DAZL: variants seen among roughly 807,000 people sequenced by gnomAD.
The protein encoded by DAZL is deleted in azoospermia-like.
Under a neutral mutation model 45.0 loss-of-function variants are expected in DAZL, and 4 were observed. The ratio of observed to expected loss-of-function variants is 0.09; its 90% CI spans 0.04 to 0.20. DAZL has a LOEUF of 0.20. Ranked by LOEUF, DAZL falls within the 10% of genes least tolerant of loss-of-function variation. DAZL has a pLI of 1.00. For synonymous variants in DAZL, 122 were observed against 112.4 expected (o/e 1.09, Z -0.54); for missense variants, 326 against 351.3 (o/e 0.93, Z 0.58).
rs1694762486 is a variant in DAZL at position 16,605,307 on chromosome 3, C to T, written c.-102G>A. The stretch of plus-strand genomic sequence containing the variant: ...CTGTGAGGTCCGCTGGAACCCGCTG[C>T]GCGGCTTCGAGTGGTCAAAGGAGCC... On this transcript the variant is annotated 5_prime_UTR_variant, in exon 1 of 11. Transcript: ENST00000399444. The T allele has an allele frequency of 2.8e-6, 4 of 1,442,028 alleles. No individual in the cohort carries two copies. Among genetic ancestry groups the T allele is most frequent in the African/African-American group, 2.8e-5 (2 of 71,512 alleles). 89.3% of individuals were successfully genotyped at this position (1,442,028 alleles called of 1,614,324 possible). A position where few individuals can be genotyped will look rare whatever the true frequency, so the allele number is the denominator to read the frequency against.
Position 16,605,309 on chromosome 3 carries a change from C to A in DAZL, c.-104G>T. 7.0e-7 allele frequency: 1 copy of A among 1,426,196 alleles called. No individual in the cohort carries two copies. Among genetic ancestry groups the A allele is most frequent in the Non-Finnish European group, 9.9e-7 (1 of 1,008,938 alleles). The allele number at this position is 1,426,196 out of a possible 1,614,324, so 88.3% of individuals were successfully genotyped here. A position where few individuals can be genotyped will look rare whatever the true frequency, so the allele number is the denominator to read the frequency against. ...GTGAGGTCCGCTGGAACCCGCTGCGCGGCTTCGAGTGGTCAAAGGAGCCAA... is the reference window on the plus strand; with the variant it reads ...GTGAGGTCCGCTGGAACCCGCTGCGAGGCTTCGAGTGGTCAAAGGAGCCAA... On this transcript the variant is annotated 5_prime_UTR_variant, in exon 1 of 11. Coordinates refer to ENST00000399444, the MANE Select transcript of DAZL (RefSeq NM_001351.4).
chr3:16,604,278 G>A (rs554239887), intron 1 of DAZL, among the ~76,000 whole-genome samples: 10 of 152,106 alleles, frequency 6.6e-5, no homozygotes. Flanking sequence ...TTGTGGTGGC[G>A]CTGAAGCAAC....
intron 10 of DAZL, among the ~76,000 whole-genome samples, chr3:16,589,854 G>T (rs1022397772): frequency 6.6e-6 from 1 of 151,510 alleles, no homozygotes; most frequent in African/African-American, 2.4e-5. Flanking sequence ...CTTGAGCCCA[G>T]GAGTTCAAGA....
At chr3:16,593,459 C>A (rs2125044657) in intron 9 of DAZL, among the ~76,000 whole-genome samples, 196 bp downstream of exon 9, 1 of 152,282 alleles carries the variant, frequency 6.6e-6, no homozygotes, top group African/African-American at 2.4e-5. Flanking sequence ...AGGCGTGAGC[C>A]ACTGCACCCA....
At position 16,604,580 on chromosome 3, in the gene DAZL, G is replaced by A; in HGVS notation, c.3+623C>T. 4 of 1,418,948 alleles carry A rather than the reference G, an allele frequency of 2.8e-6. 1 individual carries two copies. The highest frequency in any genetic ancestry group is 1.6e-5 in the South Asian group (1 of 63,276). 87.9% of individuals were successfully genotyped at this position (1,418,948 alleles called of 1,614,324 possible). A position where few individuals can be genotyped will look rare whatever the true frequency, so the allele number is the denominator to read the frequency against. ...CCAGCCCCCTCAGCTACAGGGCCAT[G>A]CCTTCAGGACGCCCCACACCCCACG... On this transcript the variant is annotated intron_variant, in intron 1 of 10. Coordinates refer to ENST00000399444, the MANE Select transcript of DAZL (RefSeq NM_001351.4).
At position 16,604,660 on chromosome 3, in the gene DAZL, C is replaced by T. The variant is rs897594374; in HGVS notation, c.3+543G>A. 9.3e-5 allele frequency: 127 copies of T among 1,361,068 alleles called. No homozygotes were observed. In the African/African-American group the frequency reaches 1.8e-3, roughly 19 times the overall value. 84.3% of individuals were successfully genotyped at this position (1,361,068 alleles called of 1,614,324 possible). A position where few individuals can be genotyped will look rare whatever the true frequency, so the allele number is the denominator to read the frequency against. ...ACCAAGTACAGGGACCAGGAGGGAA[C>T]CACTTCCTAAGGAAGCTCCGGCCCT... On this transcript the variant is annotated intron_variant, in intron 1 of 10. Coordinates refer to ENST00000399444, the MANE Select transcript of DAZL (RefSeq NM_001351.4).
At chr3:16,594,505 A>G in intron 8 of DAZL, 28 bp downstream of exon 8, 1 of 1,540,990 alleles carries the variant, frequency 6.5e-7, no homozygotes, top group Non-Finnish European at 8.9e-7. Context: ...AAATAACAGG[A>G]ATTATATGTT....
intron 1 of DAZL, chr3:16,604,621 A>ACCC: frequency 7.3e-7 from 1 of 1,361,974 alleles, no homozygotes; most frequent in Non-Finnish European, 9.4e-7. Context: ...GCCCCCACGA[A>ACCC]CCCCGCCCAC....
Position 16,593,197 on chromosome 3 carries a change from T to C in DAZL, c.735+458A>G, listed in dbSNP as rs189856150. 9.8e-5 allele frequency among the ~76,000 whole-genome samples: 15 copies of C among 152,326 alleles called. No individual in the cohort carries two copies. In the East Asian group the frequency reaches 1.7e-3, roughly 18 times the overall value. On this transcript the variant is annotated intron_variant, in intron 9 of 10. Transcript: ENST00000399444. ...AACATTCTGCCAAATCCTATTAATATAGTATTTATTGAAGTATGGTTTTTA... is the reference window on the plus strand; with the variant it reads ...AACATTCTGCCAAATCCTATTAATACAGTATTTATTGAAGTATGGTTTTTA...
Position 16,605,274 on chromosome 3 carries a change from T to C in DAZL, c.-69A>G. 6.2e-7 allele frequency: 1 copy of C among 1,601,228 alleles called. No homozygotes were observed. The highest frequency in any genetic ancestry group is 8.6e-7 in the Non-Finnish European group (1 of 1,168,308). On this transcript the variant is annotated 5_prime_UTR_variant, in exon 1 of 11. Coordinates refer to ENST00000399444, the MANE Select transcript of DAZL (RefSeq NM_001351.4). ...GAGGCTGTGCTTGGCGCACCACTTC[T>C]GGGGCTGCTGTGAGGTCCGCTGGAA...
At position 16,591,701 on chromosome 3, in the gene DAZL, T is replaced by C. The variant is rs182563108; in HGVS notation, c.834+349A>G. 1.6e-3 allele frequency among the ~76,000 whole-genome samples: 247 copies of C among 152,324 alleles called. 4 individuals carry two copies. The highest frequency in any genetic ancestry group is 5.1e-3 in the African/African-American group (214 of 41,578). On this transcript the variant is annotated intron_variant, in intron 10 of 10. Transcript: ENST00000399444. The stretch of plus-strand genomic sequence containing the variant: ...CACCCATCTCAGCCCCCAAAAGTGC[T>C]GGGATTACAGGCGTGAGCCACTGCA...
chr3:16,591,433 ATTTTTT>A (rs200206679), intron 10 of DAZL, among the ~76,000 whole-genome samples: 1 of 143,764 alleles, frequency 7.0e-6, no homozygotes, highest in African/African-American at 2.6e-5. Context: ...ATATGCATGT[ATTTTTT>A]TTTTTTTTGA....
intron 1 of DAZL, chr3:16,604,769 C>T (rs1357602625): frequency 4.7e-5 from 63 of 1,331,036 alleles, no homozygotes; most frequent in African/African-American, 6.1e-5. Context: ...ATGAGGCTGG[C>T]GGGGCGGAGG....
At chr3:16,600,370 GT>G (rs1323884308) in intron 1 of DAZL, among the ~76,000 whole-genome samples, 1 of 152,122 alleles carries the variant, frequency 6.6e-6, no homozygotes, top group African/African-American at 2.4e-5. Context: ...CTAAAGCTGA[GT>G]TTATTGCTTT....
rs775294760 is a variant in DAZL, at chr3:16,593,727, T to C, written c.663A>G (p.Pro221=). 4.3e-5 allele frequency: 69 copies of C among 1,612,680 alleles called. No homozygotes were observed. Among genetic ancestry groups the C allele is most frequent in the Non-Finnish European group, 5.7e-5 (67 of 1,179,192 alleles). ...ATTCATTTGGCACAACTTCAGCTCCTGGATCAACTTCATTACAGTGGTAGT... is the reference window on the plus strand; with the variant it reads ...ATTCATTTGGCACAACTTCAGCTCCCGGATCAACTTCATTACAGTGGTAGT... ...AVNYHCNEVD[P]GAEVVPNECS... is the part of the protein sequence containing the mutation. Residue 221 remains proline (P), a synonymous_variant, in exon 9 of 11, where the codon CCA becomes CCG. Transcript: ENST00000399444.
intron 10 of DAZL, among the ~76,000 whole-genome samples, chr3:16,590,204 T>C (rs1237143437): frequency 7.8e-6 from 1 of 128,634 alleles, no homozygotes; most frequent in African/African-American, 2.5e-5. Context: ...CTTTTCTAAA[T>C]TATACTATCT....
rs540880134 is a variant in DAZL, at chr3:16,587,353, T to A, written c.*1307A>T. The A allele has an allele frequency of 6.6e-6, 1 of 152,246 alleles. No individual in the cohort carries two copies. Among genetic ancestry groups the A allele is most frequent in the East Asian group, 1.9e-4 (1 of 5,198 alleles). 9.4% of individuals were successfully genotyped at this position (152,246 alleles called of 1,614,324 possible). On this transcript the variant is annotated 3_prime_UTR_variant, in exon 11 of 11. Coordinates refer to ENST00000399444, the MANE Select transcript of DAZL (RefSeq NM_001351.4). ...AAACTCATGTCCATGGCAGATCAAA[T>A]GGTACTGATACAACTTTTTCCCTTA... is the stretch of plus-strand genomic sequence containing the variant.
chr3:16,594,135 C>G (rs1466660768), intron 8 of DAZL, among the ~76,000 whole-genome samples: 4 of 152,260 alleles, frequency 2.6e-5, no homozygotes, highest in African/African-American at 9.6e-5. Flanking sequence ...TTTTATTTAA[C>G]AGTAATTAAC....
chr3:16,594,530 T>C lies in DAZL; in HGVS notation c.621+3A>G. The C allele has an allele frequency of 6.3e-7, 1 of 1,590,458 alleles. No individual in the cohort carries two copies. The highest frequency in any genetic ancestry group is 2.2e-5 in the East Asian group (1 of 44,522). On this transcript the variant is annotated splice_donor_region_variant and intron_variant, in intron 8 of 10. Coordinates refer to ENST00000399444, the MANE Select transcript of DAZL (RefSeq NM_001351.4). ...AATTATATGTTTGGCTAATTCACTT[T>C]ACCGGAGGTACAACATAGCTCCTTT...
Sources: gnomAD v4.1 joint callset for allele counts (sites outside exome capture counted in the v4.1 genomes callset) on GRCh38, gnomAD v4.1.1 for gene constraint, MANE v1.5 for transcripts, NCBI Gene and HGNC (gene_info 2026-07-23, HGNC 2026-07-21) for gene names.